ARID1B: variants seen among roughly 807,000 people sequenced by gnomAD.
ARID1B encodes AT-rich interactive domain-containing protein 1B.
Under a neutral mutation model 212.3 loss-of-function variants are expected in ARID1B, and 30 were observed. The ratio of observed to expected loss-of-function variants is 0.14; its 90% CI spans 0.11 to 0.19. The LOEUF (loss-of-function observed/expected upper bound fraction) is 0.19. ARID1B is among the 10% of genes least tolerant of loss of function. The pLI is 1.00. For missense variants in ARID1B, 2,891 were observed against 3,204.0 expected, an observed-to-expected ratio of 0.90 and a Z score of 2.36; for synonymous variants, 1,402 against 1,301.7, an observed-to-expected ratio of 1.08 and a Z score of -1.66.
chr6:157,021,808 G>T (rs908008579), intron 4 of ARID1B, among the ~76,000 whole-genome samples: 1 of 152,066 alleles, frequency 6.6e-6, no homozygotes, highest in Non-Finnish European at 1.5e-5. Flanking sequence ...TGCTGACACA[G>T]CTTCGCGTAC....
intron 2 of ARID1B, among the ~76,000 whole-genome samples, chr6:156,886,510 A>C (rs952112165): frequency 1.7e-4 from 26 of 152,266 alleles, no homozygotes; most frequent in African/African-American, 6.3e-4. Flanking sequence ...CCTGGGACAC[A>C]GCATGACCTC....
chr6:157,039,318 A>ATTTCT (rs1190145248), intron 4 of ARID1B, among the ~76,000 whole-genome samples: 1 of 112,824 alleles, frequency 8.9e-6, no homozygotes. Flanking sequence ...GAAATTTGAC[A>ATTTCT]TTTCTTTTTT....
chr6:156,873,080 T>G (rs1379671022), intron 2 of ARID1B, among the ~76,000 whole-genome samples: 1 of 152,198 alleles, frequency 6.6e-6, no homozygotes, highest in Non-Finnish European at 1.5e-5. Context: ...TTTCTTTCCC[T>G]TCCAGCCTAC....
Position 156,779,114 on chromosome 6 carries a change from C to G in ARID1B, c.1434C>G (p.Ala478=), listed in dbSNP as rs992200865. Residue 478 remains alanine (A), a synonymous_variant, in exon 1 of 20, where the codon GCC becomes GCG. Coordinates refer to ENST00000636930, the MANE Select transcript of ARID1B (RefSeq NM_001374828.1). The part of the protein sequence containing the change: ...GGAASLSKAA[A]GSAAGGFQRF... The stretch of plus-strand genomic sequence containing the variant: ...CCGCGAGCCTCAGCAAGGCGGCCGC[C>G]GGCTCGGCGGCGGGGGGCTTCCAGC... 1.7e-5 allele frequency: 21 copies of G among 1,235,082 alleles called. No homozygotes were observed. The highest frequency in any genetic ancestry group is 2.3e-4 in the Middle Eastern group (1 of 4,330). The allele number at this position is 1,235,082 out of a possible 1,614,324, so 76.5% of individuals were successfully genotyped here. A position where few individuals can be genotyped will look rare whatever the true frequency, so the allele number is the denominator to read the frequency against.
chr6:157,061,335 AG>A (rs1670612260), intron 4 of ARID1B, among the ~76,000 whole-genome samples: 1 of 152,216 alleles, frequency 6.6e-6, no homozygotes, highest in Non-Finnish European at 1.5e-5. Flanking sequence ...GTGAAGATAG[AG>A]TTACATTACT....
chr6:157,045,138 A>G (rs976036969), intron 4 of ARID1B, among the ~76,000 whole-genome samples: 10 of 152,204 alleles, frequency 6.6e-5, no homozygotes, highest in African/African-American at 1.9e-4. Flanking sequence ...AAACTACTAT[A>G]AAGTTGACAA....
chr6:156,924,480 A>G lies in ARID1B; in HGVS notation c.2137-10986A>G, dbSNP rs181196569. Among the ~76,000 whole-genome samples the G allele has an allele frequency of 2.3e-3, 352 of 152,354 alleles. 2 individuals carry two copies. The highest frequency in any genetic ancestry group is 8.1e-3 in the African/African-American group (336 of 41,588). On this transcript the variant is annotated intron_variant, in intron 3 of 19. Coordinates refer to ENST00000636930, the MANE Select transcript of ARID1B (RefSeq NM_001374828.1). ...AAATTAGCGTGATTTGAACACAAGC[A>G]CTGATACTGGATCTGGTAACAGCTC...
Position 156,777,858 on chromosome 6 carries a change from G to T in ARID1B, c.178G>T (p.Gly60Cys). 1 of 1,338,646 alleles carries T rather than the reference G, an allele frequency of 7.5e-7. No homozygotes were observed. Among genetic ancestry groups the T allele is most frequent in the Non-Finnish European group, 9.5e-7 (1 of 1,051,046 alleles). The allele number at this position is 1,338,646 out of a possible 1,614,324, so 82.9% of individuals were successfully genotyped here. A position where few individuals can be genotyped will look rare whatever the true frequency, so the allele number is the denominator to read the frequency against. ...AAAAPGPMLGGGGDGGGGLNS... is the reference protein window; with the variant it reads ...AAAAPGPMLGCGGDGGGGLNS... ...GGCGGCACCGGGACCCATGCTGGGG[G>T]GCGGCGGCGACGGCGGCGGCGGCCT... is the stretch of plus-strand genomic sequence containing the variant. The change falls in exon 1 of 20, where the codon GGC becomes TGC. Residue 60 changes from glycine (G) to cysteine (C), a missense_variant. This residue lies in a region of ARID1B where 1,643 missense variants were observed against 1,544.0 expected (regional missense o/e 1.06). Coordinates refer to ENST00000636930, the MANE Select transcript of ARID1B (RefSeq NM_001374828.1).
intron 7 of ARID1B, among the ~76,000 whole-genome samples, chr6:157,142,785 C>CT (rs1789470580): frequency 1.3e-5 from 2 of 152,132 alleles, no homozygotes; most frequent in East Asian, 3.9e-4. Context: ...TTATGCATTT[C>CT]TTTTTTCCAC....
Position 156,777,652 on chromosome 6 carries a change from C to A in ARID1B, c.-29C>A, listed in dbSNP as rs865783303. On this transcript the variant is annotated 5_prime_UTR_variant, in exon 1 of 20. Transcript: ENST00000636930. ...GGGGGTTATTGTCTCCCCCCGCCCC[C>A]CGCCCGGCCTCGCCACGCCGCGGCG... 1 of 149,044 alleles carries A rather than the reference C, an allele frequency of 6.7e-6. No individual in the cohort carries two copies. Among genetic ancestry groups the A allele is most frequent in the South Asian group, 2.0e-4 (1 of 4,918 alleles). 9.2% of individuals were successfully genotyped at this position (149,044 alleles called of 1,614,324 possible). A position where few individuals can be genotyped will look rare whatever the true frequency, so the allele number is the denominator to read the frequency against.
rs114223121 is a variant in ARID1B, at chr6:156,929,444, C to T, written c.2137-6022C>T. ...CAGGCATCCTCTCTGTGGAAGTGGT[C>T]GCAGCCACCTCTCCCCCACCCTCAC... On this transcript the variant is annotated intron_variant, in intron 3 of 19. Transcript: ENST00000636930. Among the ~76,000 whole-genome samples the T allele has an allele frequency of 2.2e-3, 339 of 152,202 alleles. 1 individual carries two copies. Among genetic ancestry groups the T allele is most frequent in the African/African-American group, 7.8e-3 (324 of 41,530 alleles).
chr6:156,876,598 G>T (rs1786576095), intron 2 of ARID1B, among the ~76,000 whole-genome samples: 1 of 152,184 alleles, frequency 6.6e-6, no homozygotes, highest in Non-Finnish European at 1.5e-5. Flanking sequence ...GCCCGCCTGG[G>T]AAGTTATTAT....
intron 3 of ARID1B, among the ~76,000 whole-genome samples, chr6:156,922,807 G>T (rs1790915528): frequency 6.6e-6 from 1 of 152,260 alleles, no homozygotes; most frequent in South Asian, 2.1e-4. Flanking sequence ...ATTCTCAGGG[G>T]AGTGTTCAAA....
intron 1 of ARID1B, among the ~76,000 whole-genome samples, chr6:156,823,670 C>T (rs1406147810): frequency 5.0e-5 from 7 of 139,740 alleles, no homozygotes; most frequent in South Asian, 2.3e-4. Context: ...ATAGTTCTTT[C>T]GGTGGGTTTT....
Position 157,183,410 on chromosome 6 carries a change from C to T in ARID1B, c.3715-821C>T, listed in dbSNP as rs149770564. On this transcript the variant is annotated intron_variant, in intron 12 of 19. Coordinates refer to ENST00000636930, the MANE Select transcript of ARID1B (RefSeq NM_001374828.1). ...TTAAAAACCACTGTCCCCTTACCTC[C>T]TCCCTTGCCACACAACGCAGGAGAC... Among the ~76,000 whole-genome samples the T allele has an allele frequency of 4.7e-3, 714 of 152,310 alleles. 7 individuals are homozygous for T. Among genetic ancestry groups the T allele is most frequent in the African/African-American group, 0.016 (664 of 41,564 alleles).
At chr6:157,150,619 C>T (rs1272291205) in intron 8 of ARID1B, 1 of 169,664 alleles carries the variant, frequency 5.9e-6, no homozygotes, top group African/African-American at 2.4e-5. Context: ...AACTTGCCTC[C>T]ATGGTCTGTA....
chr6:157,153,843 T>C (rs1790371443), intron 8 of ARID1B, among the ~76,000 whole-genome samples: 1 of 152,214 alleles, frequency 6.6e-6, no homozygotes, highest in South Asian at 2.1e-4. Context: ...TCTCACTATG[T>C]TGCCCAGGCT....
rs112831153 is a variant in ARID1B at position 156,975,924 on chromosome 6, T to C, written c.2247+40348T>C. On this transcript the variant is annotated intron_variant, in intron 4 of 19. Coordinates refer to ENST00000636930, the MANE Select transcript of ARID1B (RefSeq NM_001374828.1). The stretch of plus-strand genomic sequence containing the variant: ...GTGATGGGATTATCATTAGTTCTTA[T>C]AGGTTTGTGATAGGCGGTGGAGTTG... Among the ~76,000 whole-genome samples, 636 of 151,890 alleles carry C rather than the reference T, an allele frequency of 4.2e-3. 8 individuals are homozygous for C. Among genetic ancestry groups the C allele is most frequent in the African/African-American group, 0.014 (592 of 41,386 alleles).
intron 2 of ARID1B, among the ~76,000 whole-genome samples, chr6:156,897,206 GCTGCTGCTGCTGCTTCTTCTTCTTCTT>G (rs1459533105): frequency 7.2e-5 from 6 of 82,806 alleles, no homozygotes; most frequent in South Asian, 4.1e-4. Context: ...TGCTGCTGCT[GCTGCTGCTGCTGCTTCTTCTTCTTCTT>G]CTTCTTCTTC....
Sources: gnomAD v4.1 joint callset for allele counts (sites outside exome capture counted in the v4.1 genomes callset) on GRCh38, gnomAD v4.1.1 for gene constraint, gnomAD v4.1.1 regional missense constraint, MANE v1.5 for transcripts, NCBI Gene and HGNC (gene_info 2026-07-23, HGNC 2026-07-21) for gene names.